Variants in RUFY1 observed in about 807,000 individuals in gnomAD.
The protein encoded by RUFY1 is RUN and FYVE domain-containing protein 1.
RUFY1 carries 54 observed loss-of-function variants against 94.6 expected under a neutral mutation model. The ratio of observed to expected loss-of-function variants is 0.57; its 90% CI spans 0.46 to 0.72. The LOEUF (loss-of-function observed/expected upper bound fraction) is 0.72. Among genes scored for constraint, RUFY1 ranks in the 30% least tolerant of loss-of-function variants. The pLI is 0.00. For synonymous variants in RUFY1, 396 were observed against 347.3 expected (o/e 1.14, Z -1.56); for missense variants, 883 against 883.9 (o/e 1.00, Z 0.01).
chr5:179,569,841 T>C (rs10064557), intron 5 of RUFY1, among the ~76,000 whole-genome samples: 62,836 of 151,836 alleles, frequency 0.41, 13,439 homozygotes, highest in East Asian at 0.73. Flanking sequence ...GCCTCCCGGG[T>C]TCACACCATT....
Position 179,598,713 on chromosome 5 carries a change from G to A in RUFY1, c.1653G>A (p.Leu551=). ...ACAGCTCAAGCCTGGAGAAAGAATT[G>A]AAATCAGAAAAAGAGCAAAGACAGG... is the stretch of plus-strand genomic sequence containing the variant. The part of the protein sequence containing the change: ...HEQCSSLEKE[L]KSEKEQRQAL... The change falls in exon 14 of 18, where the codon TTG becomes TTA. Residue 551 remains leucine (L), a synonymous_variant. Transcript: ENST00000319449. The A allele has an allele frequency of 6.2e-7, 1 of 1,614,098 alleles. No homozygotes were observed. Among genetic ancestry groups the A allele is most frequent in the East Asian group, 2.2e-5 (1 of 44,876 alleles).
chr5:179,576,936 T>C (rs1219330932), intron 5 of RUFY1, 139 bp from the exon 6 acceptor site: 2 of 599,868 alleles, frequency 3.3e-6, no homozygotes, highest in Middle Eastern at 4.5e-4. Context: ...GTTCAATTGA[T>C]TTCCACTTCA....
chr5:179,576,320 G>A (rs1763609561), intron 5 of RUFY1, among the ~76,000 whole-genome samples: 1 of 152,154 alleles, frequency 6.6e-6, no homozygotes, highest in African/African-American at 2.4e-5. Context: ...TTGTACCTAA[G>A]GGATAGAGAA....
At position 179,560,094 on chromosome 5, in the gene RUFY1, T is replaced by G; in HGVS notation, c.380T>G (p.Leu127Trp). The G allele has an allele frequency of 8.1e-6, 13 of 1,614,102 alleles. No homozygotes were observed. The highest frequency in any genetic ancestry group is 1.1e-5 in the Non-Finnish European group (13 of 1,180,016). Residue 127 changes from leucine (L) to tryptophan (W), a missense_variant, in exon 2 of 18, where the codon TTG (leucine) becomes TGG (tryptophan). Coordinates refer to ENST00000319449, the MANE Select transcript of RUFY1 (RefSeq NM_025158.5). ...ATGATGAAACTCAGCATCAAGGTGT[T>G]GCTCCAGTCGGCTCTGAGCCTGGGC... is the stretch of plus-strand genomic sequence containing the variant. ...MHMMKLSIKVLLQSALSLGRS... is the reference protein window; with the variant it reads ...MHMMKLSIKVWLQSALSLGRS...
Position 179,593,656 on chromosome 5 carries a change from G to A in RUFY1, c.1413+11G>A. 11 of 1,611,844 alleles carry A rather than the reference G, an allele frequency of 6.8e-6. No homozygotes were observed. The highest frequency in any genetic ancestry group is 9.3e-6 in the Non-Finnish European group (11 of 1,178,434). On this transcript the variant is annotated intron_variant, in intron 11 of 17. Coordinates refer to ENST00000319449, the MANE Select transcript of RUFY1 (RefSeq NM_025158.5). ...TTTCACAAAGCTCAGGTGGGAGTTGGCTTTGTGTCCATGGCACAGCCTGGT... is the reference window on the plus strand; with the variant it reads ...TTTCACAAAGCTCAGGTGGGAGTTGACTTTGTGTCCATGGCACAGCCTGGT...
chr5:179,598,757 A>G lies in RUFY1; in HGVS notation c.1697A>G (p.Gln566Arg), dbSNP rs778503883. The G allele has an allele frequency of 3.7e-6, 6 of 1,614,084 alleles. No individual in the cohort carries two copies. The highest frequency in any genetic ancestry group is 5.1e-6 in the Non-Finnish European group (6 of 1,180,030). ...AGACAGGCTCTTCAGCGCGAATTAC[A>G]GCACGAGAAAGACACTTCCTCTCTA... is the stretch of plus-strand genomic sequence containing the variant. ...EQRQALQREL[Q>R]HEKDTSSLLR... The change falls in exon 14 of 18, where the codon CAG becomes CGG. Residue 566 changes from glutamine to arginine, a missense_variant. Physicochemically the swap from Gln to Arg is conservative, Grantham distance 43. Transcript: ENST00000319449.
At chr5:179,575,933 C>T (rs1008273930) in intron 5 of RUFY1, among the ~76,000 whole-genome samples, 1 of 151,998 alleles carries the variant, frequency 6.6e-6, no homozygotes, top group African/African-American at 2.4e-5. Flanking sequence ...AGGCATGTAC[C>T]ACTGCACCCA....
intron 6 of RUFY1, among the ~76,000 whole-genome samples, chr5:179,580,241 G>GTGTGTGTGTGTGTGTA (rs149099074): frequency 2.1e-5 from 2 of 93,852 alleles, no homozygotes; most frequent in Non-Finnish European, 4.7e-5. Context: ...GTGTGTGTGT[G>GTGTGTGTGTGTGTGTA]TATATTTTTT....
chr5:179,583,969 C>T (rs759266563), intron 7 of RUFY1, among the ~76,000 whole-genome samples: 2 of 151,906 alleles, frequency 1.3e-5, no homozygotes, highest in South Asian at 2.1e-4. Context: ...AGGATGGTCT[C>T]GATCTCCTGA....
chr5:179,577,889 A>G (rs1763782808), intron 6 of RUFY1, among the ~76,000 whole-genome samples: 1 of 151,332 alleles, frequency 6.6e-6, no homozygotes, highest in South Asian at 2.1e-4. Context: ...AATTCTGGCA[A>G]AGAACACTTT....
chr5:179,570,220 G>A (rs1009347417), intron 5 of RUFY1, among the ~76,000 whole-genome samples: 1 of 152,168 alleles, frequency 6.6e-6, no homozygotes, highest in Non-Finnish European at 1.5e-5. Context: ...GAGCTTTGGG[G>A]AGCTGTTGGA....
intron 4 of RUFY1, chr5:179,569,019 A>G (rs1309356786): frequency 2.0e-6 from 2 of 985,090 alleles, no homozygotes; most frequent in Non-Finnish European, 2.4e-6. Flanking sequence ...GGAGAGTGAC[A>G]GGAGTCAAGA....
chr5:179,604,520 C>A (rs1766831580), intron 15 of RUFY1, among the ~76,000 whole-genome samples: 1 of 152,152 alleles, frequency 6.6e-6, no homozygotes, highest in South Asian at 2.1e-4. Context: ...AGGGAAGGAG[C>A]TGCCTCCCGA....
intron 2 of RUFY1, among the ~76,000 whole-genome samples, chr5:179,561,678 CTTTTTTTTTTTT>C (rs71001004): frequency 1.5e-5 from 1 of 64,606 alleles, no homozygotes; most frequent in Non-Finnish European, 2.8e-5. Flanking sequence ...TTTTTTCTTT[CTTTTTTTTTTTT>C]TTTTTTTTTT....
intron 7 of RUFY1, among the ~76,000 whole-genome samples, chr5:179,584,024 A>G (rs1764403368): frequency 6.6e-6 from 1 of 152,242 alleles, no homozygotes; most frequent in Non-Finnish European, 1.5e-5. Flanking sequence ...CTGGGATTAC[A>G]GGCGTGAGCC....
intron 9 of RUFY1, 26 bp from the exon 10 acceptor site, chr5:179,591,599 C>A: frequency 7.2e-7 from 1 of 1,379,684 alleles, no homozygotes; most frequent in South Asian, 1.2e-5. Flanking sequence ...GCAAACAATT[C>A]CTCTTGGTGT....
In RUFY1 at chr5:179,609,738, T is replaced by C. The variant is rs2127581696; in HGVS notation, c.*219T>C. ...CTCTGGATGGAAACTTCCATCTTAC[T>C]TGGTTACATCACGGCTCTGGTTCAG... On this transcript the variant is annotated 3_prime_UTR_variant, in exon 18 of 18. Transcript: ENST00000319449. The C allele has an allele frequency of 4.1e-6, 2 of 484,384 alleles. No individual in the cohort carries two copies. Among genetic ancestry groups the C allele is most frequent in the East Asian group, 6.8e-5 (2 of 29,384 alleles). 30.0% of individuals were successfully genotyped at this position (484,384 alleles called of 1,614,324 possible).
chr5:179,583,782 C>T (rs1401720518), intron 7 of RUFY1, among the ~76,000 whole-genome samples: 1 of 150,828 alleles, frequency 6.6e-6, no homozygotes, highest in Non-Finnish European at 1.5e-5. Flanking sequence ...CAGAGTCCTG[C>T]TCTGTCGCCC....
At position 179,609,267 on chromosome 5, in the gene RUFY1, A is replaced by G. The variant is rs60104959; in HGVS notation, c.1984-109A>G. 7.9e-6 allele frequency: 9 copies of G among 1,134,962 alleles called. No individual in the cohort carries two copies. In the Admixed American group the frequency reaches 8.5e-5, roughly 11 times the overall value. The allele number at this position is 1,134,962 out of a possible 1,614,324, so 70.3% of individuals were successfully genotyped here. A position where few individuals can be genotyped will look rare whatever the true frequency, so the allele number is the denominator to read the frequency against. On this transcript the variant is annotated intron_variant, in intron 17 of 17. Transcript: ENST00000319449. ...CAGCCCCTCACCACCCCACAGAAAC[A>G]TAAGAACCCATTCCCAGCAAATGAT...
Sources: gnomAD v4.1 joint callset for allele counts (sites outside exome capture counted in the v4.1 genomes callset) on GRCh38, gnomAD v4.1.1 for gene constraint, MANE v1.5 for transcripts, NCBI Gene and HGNC (gene_info 2026-07-23, HGNC 2026-07-21) for gene names.